The following RNF149 variants were observed in gnomAD, a reference collection of about 807,000 sequenced individuals.
RNF149 encodes ring finger protein 149.
Under a neutral mutation model 39.0 loss-of-function variants are expected in RNF149, and 21 were observed. The ratio of observed to expected loss-of-function variants is 0.54; its 90% CI spans 0.38 to 0.77. The LOEUF (loss-of-function observed/expected upper bound fraction) is 0.77, where lower values mean the gene tolerates loss of function less well. Among genes scored for constraint, RNF149 ranks in the 30% least tolerant of loss-of-function variants. The pLI is 0.00. For synonymous variants in RNF149, 209 were observed against 213.6 expected (o/e 0.98, Z 0.19); for missense variants, 493 against 534.9 (o/e 0.92, Z 0.77).
chr2:101,289,492 G>A (rs528950543), intron 3 of RNF149, among the ~76,000 whole-genome samples: 101 of 152,170 alleles, frequency 6.6e-4, no homozygotes, highest in African/African-American at 2.3e-3. Context: ...GGATCATGGG[G>A]TCAGGAGATT....
At chr2:101,295,207 T>C (rs189442769) in intron 1 of RNF149, 26 bp from the exon 2 acceptor site, 1 of 1,590,554 alleles carries the variant, frequency 6.3e-7, no homozygotes, top group South Asian at 1.1e-5. Flanking sequence ...AAGAAATCAA[T>C]GTGAAGAACA....
At chr2:101,278,666 T>C (rs1187147860) in intron 6 of RNF149, among the ~76,000 whole-genome samples, 1 of 152,208 alleles carries the variant, frequency 6.6e-6, no homozygotes, top group African/African-American at 2.4e-5. Flanking sequence ...ACATATTCAT[T>C]TGAAGTGAGA....
chr2:101,281,676 G>A (rs1213823776), intron 6 of RNF149, 183 bp downstream of exon 6: 1 of 640,706 alleles, frequency 1.6e-6, no homozygotes, highest in African/African-American at 1.8e-5. Flanking sequence ...AATCTGTGAA[G>A]TTTTTGTAGA....
chr2:101,289,359 G>A (rs564131988), intron 3 of RNF149, among the ~76,000 whole-genome samples: 1 of 152,150 alleles, frequency 6.6e-6, no homozygotes, highest in South Asian at 2.1e-4. Context: ...CTGTCAATAT[G>A]GAAGCAGTAA....
intron 3 of RNF149, among the ~76,000 whole-genome samples, chr2:101,290,690 TG>T (rs1274902623): frequency 2.6e-5 from 4 of 152,204 alleles, no homozygotes; most frequent in African/African-American, 9.7e-5. Context: ...ACCTCACTAG[TG>T]ATTAAAAAGA....
intron 1 of RNF149, among the ~76,000 whole-genome samples, chr2:101,299,905 T>C (rs1307191552): frequency 6.6e-6 from 1 of 152,232 alleles, no homozygotes; most frequent in Non-Finnish European, 1.5e-5. Flanking sequence ...GTAACGTCCC[T>C]TCCCCATCCG....
rs1241012862 is a variant in RNF149 at position 101,308,484 on chromosome 2, G to C, written c.105C>G (p.Leu35=). ...LCVPGARGRA[L]EWFSAVVNIE... ...TGTTTACCACGGCCGAGAACCACTC[G>C]AGAGCCCGGCCCCGGGCCCCGGGCA... The change falls in exon 1 of 7, where the codon CTC becomes CTG. Residue 35 remains leucine (L), a synonymous_variant. Coordinates refer to ENST00000295317, the MANE Select transcript of RNF149 (RefSeq NM_173647.4). 1 of 1,610,940 alleles carries C rather than the reference G, an allele frequency of 6.2e-7. No homozygotes were observed. The highest frequency in any genetic ancestry group is 1.7e-5 in the Admixed American group (1 of 59,964).
At chr2:101,285,176 G>A (rs1682749909) in intron 5 of RNF149, among the ~76,000 whole-genome samples, 1 of 152,030 alleles carries the variant, frequency 6.6e-6, no homozygotes, top group Non-Finnish European at 1.5e-5. Context: ...GGGATTACAG[G>A]TATGAGCCAC....
chr2:101,275,221 G>A (rs184732410), downstream of RNF149, among the ~76,000 whole-genome samples: 21 of 141,018 alleles, frequency 1.5e-4, no homozygotes, highest in Middle Eastern at 3.8e-3. Flanking sequence ...AGGTTCAAGC[G>A]ATTCTCCTGC....
intron 1 of RNF149, among the ~76,000 whole-genome samples, chr2:101,300,098 A>C (rs918471538): frequency 2.0e-5 from 3 of 152,252 alleles, no homozygotes; most frequent in Admixed American, 1.3e-4. Context: ...AGTAACAAAG[A>C]GCTACAGAAG....
At chr2:101,282,233 G>A (rs1012627545) in intron 5 of RNF149, among the ~76,000 whole-genome samples, 176 bp from the exon 6 acceptor site, 3 of 151,230 alleles carry the variant, frequency 2.0e-5, no homozygotes, top group Non-Finnish European at 4.4e-5. Flanking sequence ...ATTCCTTCTC[G>A]ACAACCAATC....
chr2:101,281,213 T>G (rs1346206347), intron 6 of RNF149, among the ~76,000 whole-genome samples: 2 of 149,168 alleles, frequency 1.3e-5, no homozygotes, highest in Non-Finnish European at 3.0e-5. Context: ...TATAGAAAAT[T>G]CAAAATGTAA....
At chr2:101,274,987 G>T (rs908843216), downstream of RNF149, among the ~76,000 whole-genome samples, 85 of 150,936 alleles carry the variant, frequency 5.6e-4, no homozygotes, top group Admixed American at 1.8e-3. Flanking sequence ...TAGAGATGGG[G>T]TTTCTCCATG....
chr2:101,296,367 A>G (rs1411316695), intron 1 of RNF149, among the ~76,000 whole-genome samples: 1 of 152,208 alleles, frequency 6.6e-6, no homozygotes, highest in Non-Finnish European at 1.5e-5. Flanking sequence ...TAAAATATCG[A>G]TAAGATTAAA....
At chr2:101,305,749 G>T (rs566582981) in intron 1 of RNF149, among the ~76,000 whole-genome samples, 6 of 152,224 alleles carry the variant, frequency 3.9e-5, no homozygotes, top group African/African-American at 1.4e-4. Context: ...GAGGGAGAGA[G>T]AACAAAGAAT....
intron 3 of RNF149, among the ~76,000 whole-genome samples, chr2:101,291,580 A>T (rs995058843): frequency 1.3e-5 from 2 of 152,096 alleles, no homozygotes; most frequent in African/African-American, 4.8e-5. Context: ...ACCCTGCCAG[A>T]CCACATTTGA....
rs1484332352 is a variant in RNF149, at chr2:101,295,010, A to G, written c.632T>C (p.Met211Thr). Residue 211 changes from methionine (M) to threonine (T), a missense_variant, in exon 2 of 7, where the codon ATG becomes ACG. Met to Thr is a moderately conservative substitution (Grantham distance 81). Coordinates refer to ENST00000295317, the MANE Select transcript of RNF149 (RefSeq NM_173647.4). ...TAGCCAGGCTAACGAGATAATCATC[A>G]TGGTGATGAAGGCAATGGCCACAAA... is the stretch of plus-strand genomic sequence containing the variant. ...VVFVAIAFIT[M>T]MIISLAWLIF... The G allele has an allele frequency of 2.5e-6, 4 of 1,614,006 alleles. No individual in the cohort carries two copies. The highest frequency in any genetic ancestry group is 3.4e-6 in the Non-Finnish European group (4 of 1,179,958).
chr2:101,293,152 CA>C (rs1373412364), intron 3 of RNF149, among the ~76,000 whole-genome samples: 1 of 150,770 alleles, frequency 6.6e-6, no homozygotes, highest in Non-Finnish European at 1.5e-5. Flanking sequence ...AAAAAAAAAT[CA>C]AAAGTCTGTA....
At chr2:101,272,515 T>A (rs531744580), downstream of RNF149, among the ~76,000 whole-genome samples, 5 of 152,346 alleles carry the variant, frequency 3.3e-5, no homozygotes, top group East Asian at 9.6e-4. Flanking sequence ...TGGGTTGTTG[T>A]AGGTGGCGTT....
Sources: gnomAD v4.1 joint callset for allele counts (sites outside exome capture counted in the v4.1 genomes callset) on GRCh38, gnomAD v4.1.1 for gene constraint, MANE v1.5 for transcripts, NCBI Gene and HGNC (gene_info 2026-07-23, HGNC 2026-07-21) for gene names.